Variants in TMF1 observed in about 807,000 individuals in gnomAD.
The protein encoded by TMF1 is TATA element modulatory factor.
A neutral mutation model predicts 126.5 loss-of-function variants in TMF1; 71 were observed. The ratio of observed to expected loss-of-function variants is 0.56; its 90% CI spans 0.46 to 0.68. TMF1 has a LOEUF of 0.68. TMF1 is among the 30% of genes least tolerant of loss of function. The pLI, the probability that TMF1 is intolerant of heterozygous loss-of-function variation, is 0.00. For missense variants in TMF1, 1,259 were observed against 1,253.2 expected (o/e 1.00, Z -0.07); for synonymous variants, 461 against 430.5 (o/e 1.07, Z -0.88).
At position 69,047,796 on chromosome 3, in the gene TMF1, T is replaced by C; in HGVS notation, c.909A>G (p.Glu303=). ...FQLLSASACP[E]YNRLDDFQKL... Reference sequence around the variant, plus strand: ...TTTGGAAATCATCTAAACGATTATATTCAGGACAAGCAGATGCAGAGAGAA... The same window carrying C: ...TTTGGAAATCATCTAAACGATTATACTCAGGACAAGCAGATGCAGAGAGAA... The change falls in exon 2 of 17, where the codon GAA becomes GAG. Residue 303 remains glutamate, a synonymous_variant. Coordinates refer to ENST00000398559, the MANE Select transcript of TMF1 (RefSeq NM_007114.3). The C allele has an allele frequency of 6.2e-7, 1 of 1,614,098 alleles. No individual in the cohort carries two copies. Among genetic ancestry groups the C allele is most frequent in the Non-Finnish European group, 8.5e-7 (1 of 1,180,028 alleles).
In TMF1 at chr3:69,033,555, A is replaced by G. The variant is rs754061581; in HGVS notation, c.2394T>C (p.Asp798=). The change falls in exon 10 of 17, where the codon GAT becomes GAC. Residue 798 remains aspartate (D), a synonymous_variant. Transcript: ENST00000398559. ...SWEKLEKNLS[D]RLGESQTLLA... ...AAAAACTAAAGCAGTTACCAAGCCT[A>G]TCAGAAAGATTCTTCTCTAATTTCT... 2.6e-5 allele frequency: 42 copies of G among 1,612,500 alleles called. No individual in the cohort carries two copies. The highest frequency in any genetic ancestry group is 1.1e-4 in the African/African-American group (8 of 74,786).
rs1214111522 is a variant in TMF1, at chr3:69,023,156, T to G, written c.*21A>C. ...TATTAAATGCTTACATTCAGTTTGATGGGAATTCAATTTTCACAAGTTAAC... is the reference window on the plus strand; with the variant it reads ...TATTAAATGCTTACATTCAGTTTGAGGGGAATTCAATTTTCACAAGTTAAC... On this transcript the variant is annotated 3_prime_UTR_variant, in exon 17 of 17. Transcript: ENST00000398559. The G allele has an allele frequency of 1.3e-6, 2 of 1,599,156 alleles. No individual in the cohort carries two copies. Among genetic ancestry groups the G allele is most frequent in the East Asian group, 4.5e-5 (2 of 44,598 alleles).
Position 69,048,548 on chromosome 3 carries a change from C to T in TMF1, c.157G>A (p.Val53Ile). Residue 53 changes from valine to isoleucine, a missense_variant, in exon 2 of 17, where the codon GTC (valine) becomes ATC (isoleucine). Physicochemically the swap from Val to Ile is conservative, Grantham distance 29. Transcript: ENST00000398559. ...GTTGAAGTATCCCATCCTCCACTGA[C>T]AGGGGAACTTATTCCTTTAACAAAA... ...PYGEPGISSP[V>I]SGGWDTSTWG... 1 of 1,592,408 alleles carries T rather than the reference C, an allele frequency of 6.3e-7. No individual in the cohort carries two copies. Among genetic ancestry groups the T allele is most frequent in the Non-Finnish European group, 8.5e-7 (1 of 1,170,486 alleles).
At chr3:69,043,421 C>T (rs372379885) in intron 4 of TMF1, among the ~76,000 whole-genome samples, 10 of 152,250 alleles carry the variant, frequency 6.6e-5, no homozygotes, top group African/African-American at 2.2e-4. Context: ...CCACCCTCTT[C>T]GGCCTCCTGA....
In TMF1 at chr3:69,027,975, C is replaced by CG. The variant is rs779151780; in HGVS notation, c.2681_2682insC (p.Gln894HisfsTer10). 1 of 1,575,432 alleles carries CG rather than the reference C, an allele frequency of 6.3e-7. No homozygotes were observed. The stretch of plus-strand genomic sequence containing the variant: ...CAACTTTCATTCTTTCCATTTCTAA[C>CG]TGACTATTCAACAATGTCTAATAGA... On this transcript the variant is annotated frameshift_variant, in exon 13 of 17. Transcript: ENST00000398559. LOFTEE classifies it high-confidence loss of function.
rs558249219 is a variant in TMF1 at position 69,031,730 on chromosome 3, C to A, written c.2402-1723G>T. Among the ~76,000 whole-genome samples the A allele has an allele frequency of 9.9e-5, 15 of 152,176 alleles. 1 individual carries two copies. Among genetic ancestry groups the A allele is most frequent in the African/African-American group, 3.6e-4 (15 of 41,538 alleles). On this transcript the variant is annotated intron_variant, in intron 10 of 16. Transcript: ENST00000398559. ...CTCCACCAAAGTAGAGCTAGTAATA[C>A]CTCTATTTCACATTTTACACTCTGC... is the stretch of plus-strand genomic sequence containing the variant.
rs759518991 is a variant in TMF1 at position 69,034,974 on chromosome 3, G to A, written c.2244+49C>T. On this transcript the variant is annotated intron_variant, in intron 9 of 16. Transcript: ENST00000398559. ...CCACTGAGGAATTCTTTTATTTCTA[G>A]AAAAACACATACTTCTTGGATTTGT... 6.8e-5 allele frequency: 102 copies of A among 1,504,272 alleles called. No individual in the cohort carries two copies. The South Asian group carries it at 1.0e-3, about 15-fold the overall frequency. 93.2% of individuals were successfully genotyped at this position (1,504,272 alleles called of 1,614,324 possible).
chr3:69,048,691 G>A, intron 1 of TMF1, 129 bp from the exon 2 acceptor site: 2 of 844,196 alleles, frequency 2.4e-6, no homozygotes, highest in South Asian at 2.3e-5. Flanking sequence ...ATTTGCACCT[G>A]CTAAACTCCT....
rs772534383 is a variant in TMF1, at chr3:69,033,720, C to G, written c.2245-16G>C. The G allele has an allele frequency of 6.3e-7, 1 of 1,593,302 alleles. No homozygotes were observed. Among genetic ancestry groups the G allele is most frequent in the South Asian group, 1.1e-5 (1 of 87,154 alleles). On this transcript the variant is annotated splice_polypyrimidine_tract_variant and intron_variant, in intron 9 of 16. Transcript: ENST00000398559. ...CCTGGAGTCTCTGAATCATGAAATT[C>G]TGAAGTCATTACCAATGACAGCAAT...
intron 11 of TMF1, 110 bp from the exon 12 acceptor site, chr3:69,028,405 T>G (rs2091781665): frequency 1.5e-6 from 1 of 664,230 alleles, no homozygotes; most frequent in Non-Finnish European, 2.5e-6. Context: ...GAAATCATTT[T>G]TATTACCAGC....
chr3:69,030,246 T>A (rs1273347624), intron 10 of TMF1: 1 of 381,614 alleles, frequency 2.6e-6, no homozygotes, highest in African/African-American at 2.1e-5. Flanking sequence ...ATTAAAAGAG[T>A]AGTGGATCAC....
At position 69,029,840 on chromosome 3, in the gene TMF1, A is replaced by C; in HGVS notation, c.2569T>G (p.Cys857Gly). 6.2e-7 allele frequency: 1 copy of C among 1,613,034 alleles called. No homozygotes were observed. The highest frequency in any genetic ancestry group is 8.5e-7 in the Non-Finnish European group (1 of 1,179,506). The stretch of plus-strand genomic sequence containing the variant: ...CTATTGTTCTCATCCTCCAGTTTAC[A>C]CAGCCTATTTTTCTCTGATTCTAGC... ...AQLESEKNRL[C>G]KLEDENNRYQ... is the part of the protein sequence containing the mutation. Residue 857 changes from cysteine (C) to glycine (G), a missense_variant, in exon 11 of 17, where the codon TGT becomes GGT. Transcript: ENST00000398559.
chr3:69,021,440 G>C lies in TMF1; in HGVS notation c.*1737C>G, dbSNP rs905574783. 2 of 152,436 alleles carry C rather than the reference G, an allele frequency of 1.3e-5. No homozygotes were observed. The highest frequency in any genetic ancestry group is 2.9e-5 in the Non-Finnish European group (2 of 68,016). The allele number at this position is 152,436 out of a possible 1,614,324, so 9.4% of individuals were successfully genotyped here. ...AAATCAAGCTGACAAAAAGCTATTA[G>C]ACTACTTTTTACTACTAAAATGAAG... On this transcript the variant is annotated 3_prime_UTR_variant, in exon 17 of 17. Coordinates refer to ENST00000398559, the MANE Select transcript of TMF1 (RefSeq NM_007114.3).
Position 69,028,436 on chromosome 3 carries a change from A to G in TMF1, c.2595-141T>C, listed in dbSNP as rs1010346773. Reference sequence around the variant, plus strand: ...CCAGCTTGACATCAGTGATTTTCCAACAGTGTGTTCCAGATCCCATCTGAG... The same window carrying G: ...CCAGCTTGACATCAGTGATTTTCCAGCAGTGTGTTCCAGATCCCATCTGAG... On this transcript the variant is annotated intron_variant, in intron 11 of 16. Coordinates refer to ENST00000398559, the MANE Select transcript of TMF1 (RefSeq NM_007114.3). 17 of 588,762 alleles carry G rather than the reference A, an allele frequency of 2.9e-5. No individual in the cohort carries two copies. In the African/African-American group the frequency reaches 3.0e-4, roughly 10 times the overall value. The allele number at this position is 588,762 out of a possible 1,614,324, so 36.5% of individuals were successfully genotyped here.
At chr3:69,034,325 T>C (rs1026928876) in intron 9 of TMF1, among the ~76,000 whole-genome samples, 1 of 151,924 alleles carries the variant, frequency 6.6e-6, no homozygotes, top group Admixed American at 6.6e-5. Flanking sequence ...ATACAAAAAT[T>C]AGCTGGGCAT....
At chr3:69,035,772 A>G (rs2091828148) in intron 8 of TMF1, among the ~76,000 whole-genome samples, 1 of 152,174 alleles carries the variant, frequency 6.6e-6, no homozygotes, top group East Asian at 1.9e-4. Context: ...CATGTAAAAA[A>G]AATTTCTAAT....
chr3:69,031,923 T>A (rs968825094), intron 10 of TMF1, among the ~76,000 whole-genome samples: 4 of 152,208 alleles, frequency 2.6e-5, no homozygotes, highest in Non-Finnish European at 5.9e-5. Flanking sequence ...AATATTTATT[T>A]CAAAAGATAT....
At chr3:69,023,387 C>T in intron 16 of TMF1, 67 bp from the exon 17 acceptor site, 2 of 1,294,544 alleles carry the variant, frequency 1.5e-6, no homozygotes, top group Non-Finnish European at 2.1e-6. Context: ...TTTATATTGC[C>T]ATAGGAGTCA....
At chr3:69,033,869 C>T in intron 9 of TMF1, 165 bp from the exon 10 acceptor site, 4 of 625,596 alleles carry the variant, frequency 6.4e-6, no homozygotes, top group Non-Finnish European at 1.0e-5. Context: ...CCCGCTCTGT[C>T]ACCCAGGCTG....
Sources: gnomAD v4.1 joint callset for allele counts (sites outside exome capture counted in the v4.1 genomes callset) on GRCh38, gnomAD v4.1.1 for gene constraint, MANE v1.5 for transcripts, NCBI Gene and HGNC (gene_info 2026-07-23, HGNC 2026-07-21) for gene names.